Variants in CFAP47 observed in about 807,000 individuals in gnomAD.
CFAP47 encodes cilia and flagella associated protein 47.
Under a neutral mutation model 148.1 loss-of-function variants are expected in CFAP47, and 29 were observed. That is an observed-to-expected ratio of 0.20 (90% CI 0.15 to 0.27). The LOEUF is 0.27. Ranked by LOEUF, CFAP47 falls within the 10% of genes least tolerant of loss-of-function variation. The pLI is 1.00. For missense variants in CFAP47, 1,872 were observed against 1,697.5 expected, an observed-to-expected ratio of 1.10 and a Z score of -1.81; for synonymous variants, 664 against 577.3, an observed-to-expected ratio of 1.15 and a Z score of -2.15.
Position 36,147,910 on chromosome X carries a change from C to T in CFAP47, c.5671-1198C>T, listed in dbSNP as rs774364890. Among the ~76,000 whole-genome samples, 115 of 111,896 alleles carry T rather than the reference C, an allele frequency of 1.0e-3. 1 individual carries two copies. The highest frequency in any genetic ancestry group is 1.7e-3 in the Non-Finnish European group (89 of 53,192). On this transcript the variant is annotated intron_variant, in intron 36 of 63. Transcript: ENST00000378653. The stretch of plus-strand genomic sequence containing the variant: ...ATTCACTCTAATTTGACCAATTATC[C>T]TTTTCCCCCATCCTCACCATTCTCT...
At chrX:35,979,230 C>T (rs140142717) in intron 15 of CFAP47, among the ~76,000 whole-genome samples, 1 of 110,977 alleles carries the variant, frequency 9.0e-6, no homozygotes, top group Non-Finnish European at 1.9e-5. Context: ...CCGCCTGCCT[C>T]GGCCTCTCAA....
At position 36,080,510 on chromosome X, in the gene CFAP47, G is replaced by A. The variant is rs138302483; in HGVS notation, c.4692-4804G>A. Among the ~76,000 whole-genome samples, 575 of 111,742 alleles carry A rather than the reference G, an allele frequency of 5.1e-3. 2 individuals carry two copies. Among genetic ancestry groups the A allele is most frequent in the African/African-American group, 0.018 (544 of 30,719 alleles). ...GTGTATTCCAGCACTATTCACAATA[G>A]CAAAGACTTGGAACTAACCCAAATG... On this transcript the variant is annotated intron_variant, in intron 29 of 63. Coordinates refer to ENST00000378653, the MANE Select transcript of CFAP47 (RefSeq NM_001304548.2).
intron 42 of CFAP47, among the ~76,000 whole-genome samples, chrX:36,196,470 A>G (rs1939921923): frequency 9.0e-6 from 1 of 111,458 alleles, no homozygotes; most frequent in African/African-American, 3.3e-5. Context: ...CTGTCTAGGT[A>G]AATGCACTTT....
chrX:36,008,184 T>C (rs1411905985), intron 21 of CFAP47, among the ~76,000 whole-genome samples: 3 of 111,414 alleles, frequency 2.7e-5, no homozygotes, highest in Non-Finnish European at 1.9e-5. Context: ...TCTCCAAAAT[T>C]GGAGCATCCT....
At position 35,970,862 on chromosome X, in the gene CFAP47, T is replaced by A; in HGVS notation, c.1909T>A (p.Tyr637Asn). 2 of 1,190,383 alleles carry A rather than the reference T, an allele frequency of 1.7e-6. No individual in the cohort carries two copies. The highest frequency in any genetic ancestry group is 1.1e-6 in the Non-Finnish European group (1 of 881,558). The change falls in exon 11 of 64, where the codon TAT (tyrosine) becomes AAT (asparagine). Residue 637 changes from tyrosine to asparagine, a missense_variant. Physicochemically the swap from Tyr to Asn is moderately radical, Grantham distance 143. Transcript: ENST00000378653. ...EKQQKKLHENYYAMYLKYLRS... is the reference protein window; with the variant it reads ...EKQQKKLHENNYAMYLKYLRS... The stretch of plus-strand genomic sequence containing the variant: ...ACAGCAAAAGAAATTACATGAAAAC[T>A]ATTATGCAATGTATCTTAAATATTT...
chrX:36,119,107 T>C (rs982345278), intron 33 of CFAP47, among the ~76,000 whole-genome samples: 7 of 112,010 alleles, frequency 6.2e-5, no homozygotes, highest in South Asian at 7.4e-4. Context: ...TACAGTACTT[T>C]GTTGAATGAC....
At chrX:36,051,707 G>A (rs564979520) in intron 26 of CFAP47, among the ~76,000 whole-genome samples, 92 of 111,395 alleles carry the variant, frequency 8.3e-4, no homozygotes, top group African/African-American at 2.9e-3. Context: ...AAGACTTTGG[G>A]GGACTGTTGG....
chrX:36,306,930 TATAA>T (rs2146961387), intron 55 of CFAP47, 54 bp downstream of exon 55: 1 of 485,807 alleles, frequency 2.1e-6, no homozygotes, highest in African/African-American at 2.5e-5. Flanking sequence ...TAAATCAATA[TATAA>T]ATAAATATAA....
intron 51 of CFAP47, among the ~76,000 whole-genome samples, chrX:36,291,063 C>T (rs1438636774): frequency 1.8e-5 from 2 of 111,912 alleles, no homozygotes; most frequent in Admixed American, 1.9e-4. Flanking sequence ...ACCCAGTGTG[C>T]AGTGAGCTTA....
chrX:35,971,560 G>GATT (rs1555954935), intron 11 of CFAP47, 26 bp from the exon 12 acceptor site: 4 of 975,847 alleles, frequency 4.1e-6, no homozygotes, highest in Non-Finnish European at 5.5e-6. Flanking sequence ...CTCAATTACT[G>GATT]ATTATTATTA....
intron 62 of CFAP47, among the ~76,000 whole-genome samples, chrX:36,372,341 T>C (rs1556022102): frequency 9.0e-6 from 1 of 111,351 alleles, no homozygotes; most frequent in Non-Finnish European, 1.9e-5. Context: ...TTTCTGCGAG[T>C]GTTGTGTGAT....
Position 35,928,456 on chromosome X carries a change from C to T in CFAP47, c.401+2288C>T, listed in dbSNP as rs1280139090. Among the ~76,000 whole-genome samples the T allele has an allele frequency of 2.7e-5, 3 of 111,643 alleles. No individual in the cohort carries two copies. The Admixed American group carries it at 2.9e-4, about 11-fold the overall frequency. ...TGCTTCTTTGCCATCTGAGTACCCTCTCTAGTGAAATCTCTGTTAATGTGT... is the reference window on the plus strand; with the variant it reads ...TGCTTCTTTGCCATCTGAGTACCCTTTCTAGTGAAATCTCTGTTAATGTGT... On this transcript the variant is annotated intron_variant, in intron 2 of 63. Coordinates refer to ENST00000378653, the MANE Select transcript of CFAP47 (RefSeq NM_001304548.2).
intron 37 of CFAP47, among the ~76,000 whole-genome samples, chrX:36,151,186 T>G (rs769558146): frequency 8.9e-6 from 1 of 112,311 alleles, no homozygotes; most frequent in South Asian, 3.6e-4. Context: ...GAAGTTCATA[T>G]TTGTTATTTT....
At chrX:36,370,927 G>A (rs1317442381) in intron 62 of CFAP47, among the ~76,000 whole-genome samples, 1 of 111,190 alleles carries the variant, frequency 9.0e-6, no homozygotes, top group Non-Finnish European at 1.9e-5. Context: ...AAAGAAGGAC[G>A]AAGATGCATG....
chrX:35,924,624 A>G (rs1456562642), intron 1 of CFAP47, among the ~76,000 whole-genome samples: 1 of 109,066 alleles, frequency 9.2e-6, no homozygotes, highest in Admixed American at 9.7e-5. Context: ...ATGTATGTAT[A>G]TGATTGAGCA....
Position 36,144,007 on chromosome X carries a change from C to T in CFAP47, c.5536-1212C>T, listed in dbSNP as rs778428091. ...ACTAATTGTCCCATCTTTTCTTATG[C>T]GTGACCCAAATGGTAGTTCTTTACT... On this transcript the variant is annotated intron_variant, in intron 35 of 63. Transcript: ENST00000378653. Among the ~76,000 whole-genome samples the T allele has an allele frequency of 2.7e-5, 3 of 111,622 alleles. No homozygotes were observed. The South Asian group carries it at 1.1e-3, about 42-fold the overall frequency.
At chrX:36,286,239 T>A (rs1941131499) in intron 51 of CFAP47, among the ~76,000 whole-genome samples, 1 of 111,547 alleles carries the variant, frequency 9.0e-6, no homozygotes, top group Non-Finnish European at 1.9e-5. Flanking sequence ...AGAGTCTTAT[T>A]TTAAATGAAA....
At chrX:36,132,370 C>A (rs1455500418) in intron 33 of CFAP47, among the ~76,000 whole-genome samples, 1 of 111,624 alleles carries the variant, frequency 9.0e-6, no homozygotes, top group East Asian at 2.8e-4. Flanking sequence ...AACCATTGAC[C>A]AACACGTCTC....
chrX:36,005,817 T>C (rs1936975916), intron 21 of CFAP47, among the ~76,000 whole-genome samples: 1 of 111,502 alleles, frequency 9.0e-6, no homozygotes, highest in Non-Finnish European at 1.9e-5. Flanking sequence ...GTAATTCTTT[T>C]CTCACAAGTT....
Sources: gnomAD v4.1 joint callset for allele counts (sites outside exome capture counted in the v4.1 genomes callset) on GRCh38, gnomAD v4.1.1 for gene constraint, MANE v1.5 for transcripts, NCBI Gene and HGNC (gene_info 2026-07-23, HGNC 2026-07-21) for gene names.